Variants in PPFIA2 observed in about 807,000 individuals in gnomAD.
The protein encoded by PPFIA2 is liprin-alpha-2.
A neutral mutation model predicts 175.5 loss-of-function variants in PPFIA2; 46 were observed. That is an observed-to-expected ratio of 0.26 (90% confidence interval 0.21 to 0.34). The LOEUF (loss-of-function observed/expected upper bound fraction) is 0.34, where lower values mean the gene tolerates loss of function less well. PPFIA2 is among the 10% of genes least tolerant of loss of function. The pLI is 1.00. For missense variants in PPFIA2, 1,179 were observed against 1,506.1 expected (o/e 0.78, Z 3.60); for synonymous variants, 568 against 511.4 (o/e 1.11, Z -1.49).
rs553408992 is a variant in PPFIA2 at position 81,642,675 on chromosome 12, G to A, written c.303+34116C>T. Among the ~76,000 whole-genome samples the A allele has an allele frequency of 7.4e-4, 38 of 51,514 alleles. 6 individuals are homozygous for A. Among genetic ancestry groups the A allele is most frequent in the African/African-American group, 1.7e-3 (37 of 21,782 alleles). The allele number at this position is 51,514 out of a possible 152,430, so 33.8% of individuals were successfully genotyped here. A position where few individuals can be genotyped will look rare whatever the true frequency, so the allele number is the denominator to read the frequency against. On this transcript the variant is annotated intron_variant, in intron 4 of 32. Transcript: ENST00000549396. Reference sequence around the variant, plus strand: ...GTATGTATCTATTATATACATACATGTATGTATCTATTATATACATACATG... The same window carrying A: ...GTATGTATCTATTATATACATACATATATGTATCTATTATATACATACATG...
rs200366896 is a variant in PPFIA2 at position 81,642,812 on chromosome 12, A to ATATG, written c.303+33978_303+33979insCATA. On this transcript the variant is annotated intron_variant, in intron 4 of 32. Transcript: ENST00000549396. ...ATACATGTATATGTATGTATGTATT[A>ATATG]CATACATGTATATGTATGTATGTAT... Among the ~76,000 whole-genome samples, 12 of 126,746 alleles carry ATATG rather than the reference A, an allele frequency of 9.5e-5. 4 individuals are homozygous for ATATG. Among genetic ancestry groups the ATATG allele is most frequent in the African/African-American group, 3.5e-4 (12 of 34,120 alleles). The allele number at this position is 126,746 out of a possible 152,430, so 83.2% of individuals were successfully genotyped here. A position where few individuals can be genotyped will look rare whatever the true frequency, so the allele number is the denominator to read the frequency against.
chr12:81,495,492 C>T (rs1480440523), intron 4 of PPFIA2, among the ~76,000 whole-genome samples: 3 of 151,970 alleles, frequency 2.0e-5, no homozygotes, highest in East Asian at 1.9e-4. Context: ...GCAATAAATA[C>T]ACTTAAATAC....
At chr12:81,571,013 A>C (rs1283875965) in intron 4 of PPFIA2, among the ~76,000 whole-genome samples, 1 of 151,964 alleles carries the variant, frequency 6.6e-6, no homozygotes, top group East Asian at 1.9e-4. Context: ...TAGAATATTT[A>C]TTCTATTCAT....
At chr12:81,568,110 C>A (rs2071715547) in intron 4 of PPFIA2, among the ~76,000 whole-genome samples, 1 of 152,216 alleles carries the variant, frequency 6.6e-6, no homozygotes, top group Admixed American at 6.5e-5. Flanking sequence ...TTCATGTAAA[C>A]TTCCTCAAGA....
intron 16 of PPFIA2, among the ~76,000 whole-genome samples, chr12:81,356,170 G>A (rs745861308): frequency 9.9e-5 from 15 of 152,178 alleles, no homozygotes; most frequent in African/African-American, 3.4e-4. Context: ...GTTGTGTCTT[G>A]GGGAATACAA....
intron 3 of PPFIA2, among the ~76,000 whole-genome samples, chr12:81,721,788 C>T (rs1200445311): frequency 6.6e-6 from 1 of 151,118 alleles, no homozygotes; most frequent in Non-Finnish European, 1.5e-5. Flanking sequence ...ATAAAACTGG[C>T]TTCATCTTTC....
At chr12:81,323,377 G>T (rs776596606) in intron 22 of PPFIA2, among the ~76,000 whole-genome samples, 1 of 152,062 alleles carries the variant, frequency 6.6e-6, no homozygotes, top group Non-Finnish European at 1.5e-5. Flanking sequence ...AGCACAGGTT[G>T]CAACTGTGTA....
intron 7 of PPFIA2, among the ~76,000 whole-genome samples, chr12:81,409,238 A>G (rs755630908): frequency 7.2e-5 from 11 of 152,158 alleles, no homozygotes; most frequent in East Asian, 5.8e-4. Flanking sequence ...GGAGGGCCCA[A>G]GCAAATTGCC....
intron 7 of PPFIA2, among the ~76,000 whole-genome samples, chr12:81,428,639 G>C (rs894078815): frequency 2.0e-5 from 3 of 151,602 alleles, no homozygotes; most frequent in Admixed American, 2.0e-4. Context: ...GAAATCATAG[G>C]TCTTTGTAAA....
chr12:81,572,061 G>C (rs2072653256), intron 4 of PPFIA2, among the ~76,000 whole-genome samples: 1 of 152,068 alleles, frequency 6.6e-6, no homozygotes, highest in Non-Finnish European at 1.5e-5. Flanking sequence ...CAGATATGCA[G>C]ATCTGTCTGA....
chr12:81,567,530 TA>T (rs2071589114), intron 4 of PPFIA2, among the ~76,000 whole-genome samples: 2 of 152,292 alleles, frequency 1.3e-5, no homozygotes, highest in African/African-American at 2.4e-5. Context: ...AATATTTGAC[TA>T]AACTCCTGAC....
intron 4 of PPFIA2, among the ~76,000 whole-genome samples, chr12:81,470,708 T>C (rs2056578119): frequency 6.6e-6 from 1 of 152,210 alleles, no homozygotes; most frequent in African/African-American, 2.4e-5. Flanking sequence ...AAAATGCATA[T>C]ACTTTTTTGT....
At chr12:81,502,556 G>C (rs2060697714) in intron 4 of PPFIA2, among the ~76,000 whole-genome samples, 1 of 152,156 alleles carries the variant, frequency 6.6e-6, no homozygotes, top group Non-Finnish European at 1.5e-5. Context: ...GAAACATGTA[G>C]TGGGAGAAAA....
chr12:81,606,078 T>G (rs1219591135), intron 4 of PPFIA2, among the ~76,000 whole-genome samples: 2 of 152,004 alleles, frequency 1.3e-5, no homozygotes, highest in Non-Finnish European at 2.9e-5. Context: ...GTATTTGGTT[T>G]TCTGTTTGTG....
intron 4 of PPFIA2, among the ~76,000 whole-genome samples, chr12:81,593,372 A>G (rs995027884): frequency 1.3e-5 from 2 of 152,224 alleles, no homozygotes; most frequent in African/African-American, 4.8e-5. Flanking sequence ...GCAAATTTAC[A>G]TTTATACATC....
intron 5 of PPFIA2, among the ~76,000 whole-genome samples, chr12:81,446,336 C>G (rs561055522): frequency 6.6e-6 from 1 of 152,262 alleles, no homozygotes; most frequent in East Asian, 1.9e-4. Context: ...CTATGATTTC[C>G]CAGAGTAGCC....
At chr12:81,758,562 C>A (rs2085048032) in intron 1 of PPFIA2, 55 bp from the exon 2 acceptor site, 4 of 389,544 alleles carry the variant, frequency 1.0e-5, no homozygotes, top group South Asian at 1.8e-5. Flanking sequence ...GGCGCCCTCC[C>A]GGAACGTGCC....
chr12:81,610,759 C>G (rs1170424917), intron 4 of PPFIA2, among the ~76,000 whole-genome samples: 3 of 152,150 alleles, frequency 2.0e-5, no homozygotes, highest in African/African-American at 7.2e-5. Flanking sequence ...AGAACCATTG[C>G]TGAGGAGCTA....
At chr12:81,493,011 G>C (rs1035596882) in intron 4 of PPFIA2, among the ~76,000 whole-genome samples, 2 of 152,064 alleles carry the variant, frequency 1.3e-5, no homozygotes, top group African/African-American at 2.4e-5. Flanking sequence ...GAGAGATAAA[G>C]AGGAAAGTCA....
Sources: allele counts gnomAD v4.1 joint callset (sites outside exome capture counted in the v4.1 genomes callset), GRCh38; gene constraint gnomAD v4.1.1; transcripts MANE v1.5; gene names NCBI Gene and HGNC (gene_info 2026-07-23, HGNC 2026-07-21).